The following CHD7 variants were observed in gnomAD, a reference collection of about 807,000 sequenced individuals.
CHD7 encodes the protein chromodomain helicase DNA binding protein 7.
A neutral mutation model predicts 307.3 loss-of-function variants in CHD7; 24 were observed. The observed-to-expected ratio is 0.08, with a 90% CI of 0.06 to 0.11. CHD7 has a LOEUF of 0.11. Ranked by LOEUF, CHD7 falls within the 10% of genes least tolerant of loss-of-function variation. CHD7 has a pLI of 1.00. For synonymous variants in CHD7, 1,363 were observed against 1,349.9 expected (o/e 1.01, Z -0.21); for missense variants, 3,106 against 3,727.1 (o/e 0.83, Z 4.34).
At chr8:60,707,076 A>G (rs1172650557) in intron 1 of CHD7, among the ~76,000 whole-genome samples, 1 of 152,188 alleles carries the variant, frequency 6.6e-6, no homozygotes, top group Non-Finnish European at 1.5e-5. Context: ...AGTAATCTAC[A>G]AAGATCTTTT....
intron 1 of CHD7, chr8:60,679,536 A>T (rs1435286661): frequency 6.8e-6 from 1 of 146,738 alleles, no homozygotes; most frequent in African/African-American, 2.5e-5. Flanking sequence ...TGCCGGCTCC[A>T]TTCGAGAGAA....
In CHD7 at chr8:60,800,035, CT is replaced by C. The variant is rs879277376; in HGVS notation, c.2239-340del. 2.7e-3 allele frequency among the ~76,000 whole-genome samples: 383 copies of C among 144,432 alleles called. 1 individual carries two copies. Among genetic ancestry groups the C allele is most frequent in the African/African-American group, 4.0e-3 (161 of 39,776 alleles). 94.8% of individuals were successfully genotyped at this position (144,432 alleles called of 152,430 possible). On this transcript the variant is annotated intron_variant, in intron 4 of 37. Transcript: ENST00000423902. ...CTGCGCCATTATAAAGAACATTTTT[CT>C]TTTTTTTTTTTTAAGACGCAGTCTT...
intron 5 of CHD7, 77 bp from the exon 6 acceptor site, chr8:60,801,451 G>A (rs1321508696): frequency 5.6e-6 from 6 of 1,069,198 alleles, no homozygotes; most frequent in Non-Finnish European, 8.5e-6. Flanking sequence ...TGGTAGCAAA[G>A]GGGAATGATT....
Position 60,853,382 on chromosome 8 carries a change from A to G in CHD7, c.6657A>G (p.Lys2219=). 1 of 1,545,546 alleles carries G rather than the reference A, an allele frequency of 6.5e-7. No homozygotes were observed. Among genetic ancestry groups the G allele is most frequent in the Non-Finnish European group, 8.7e-7 (1 of 1,149,716 alleles). The change falls in exon 31 of 38, where the codon AAA becomes AAG. Residue 2219 remains lysine, a synonymous_variant. Coordinates refer to ENST00000423902, the MANE Select transcript of CHD7 (RefSeq NM_017780.4). ...CCAGCTCTGTGAAAAATGAACTGAA[A>G]GGTGTTGAGGTCGGCGCAGACACTG... ...AEASSVKNEL[K]GVEVGADTGS...
At position 60,679,448 on chromosome 8, in the gene CHD7, G is replaced by A. The variant is rs1394977061; in HGVS notation, c.-175+366G>A. The A allele has an allele frequency of 2.0e-5, 2 of 101,610 alleles. 1 individual carries two copies. Among genetic ancestry groups the A allele is most frequent in the South Asian group, 6.5e-4 (2 of 3,082 alleles). The allele number at this position is 101,610 out of a possible 1,614,324, so 6.3% of individuals were successfully genotyped here. ...GTTGTGCTGCCGGCGTGGGGGGGGG[G>A]TACGGGGGACAGGAGGGAGCGTGTC... On this transcript the variant is annotated intron_variant, in intron 1 of 37. Transcript: ENST00000423902.
At chr8:60,725,280 A>G (rs1366479607) in intron 1 of CHD7, among the ~76,000 whole-genome samples, 1 of 152,204 alleles carries the variant, frequency 6.6e-6, no homozygotes. Flanking sequence ...GAAGGGTTTT[A>G]AAAATTGTGG....
At position 60,837,791 on chromosome 8, in the gene CHD7, G is replaced by A. The variant is rs1200383955; in HGVS notation, c.4309G>A (p.Ala1437Thr). Residue 1437 changes from alanine to threonine, a missense_variant, in exon 18 of 38, where the codon GCT becomes ACT. By Grantham distance (58) the Ala-to-Thr change is moderately conservative. Transcript: ENST00000423902. The part of the protein sequence containing the change: ...KASLKLGLDK[A>T]VLQSMSGREN... ...TAGTTTGAAACTGGGCCTGGATAAA[G>A]CTGTGCTACAGTCTATGAGTGGAAG... 1 of 1,613,796 alleles carries A rather than the reference G, an allele frequency of 6.2e-7. No homozygotes were observed. The highest frequency in any genetic ancestry group is 8.5e-7 in the Non-Finnish European group (1 of 1,179,854).
At chr8:60,686,441 G>A (rs753261943) in intron 1 of CHD7, among the ~76,000 whole-genome samples, 30 of 152,150 alleles carry the variant, frequency 2.0e-4, no homozygotes, top group Admixed American at 3.3e-4. Flanking sequence ...TTTCTAAGAG[G>A]TGTAGACATC....
chr8:60,752,129 T>G (rs1441969314), intron 2 of CHD7, among the ~76,000 whole-genome samples: 1 of 152,160 alleles, frequency 6.6e-6, no homozygotes, highest in Non-Finnish European at 1.5e-5. Flanking sequence ...GTTTCGGGAG[T>G]CCTAGACGTT....
At chr8:60,776,357 A>G (rs1341144391) in intron 2 of CHD7, among the ~76,000 whole-genome samples, 1 of 152,180 alleles carries the variant, frequency 6.6e-6, no homozygotes, top group Non-Finnish European at 1.5e-5. Context: ...CAAATAATTA[A>G]AGTTTATTAC....
At position 60,854,358 on chromosome 8, in the gene CHD7, C is replaced by A. The variant is rs769046607; in HGVS notation, c.6776-5C>A. ...GTGAGTAATGCACATTAACTCATTT[C>A]TCAGCAGGAGCTGTCTCTAGAGGGA... is the stretch of plus-strand genomic sequence containing the variant. On this transcript the variant is annotated splice_region_variant and splice_polypyrimidine_tract_variant and intron_variant, in intron 31 of 37. Coordinates refer to ENST00000423902, the MANE Select transcript of CHD7 (RefSeq NM_017780.4). 4.0e-5 allele frequency: 64 copies of A among 1,612,572 alleles called. No individual in the cohort carries two copies. The highest frequency in any genetic ancestry group is 4.3e-5 in the Non-Finnish European group (51 of 1,179,198).
At position 60,865,455 on chromosome 8, in the gene CHD7, G is replaced by A. The variant is rs1055076550; in HGVS notation, c.8516G>A (p.Ser2839Asn). Residue 2839 changes from serine to asparagine, a missense_variant, in exon 38 of 38, where the codon AGC becomes AAC. Ser to Asn is a conservative substitution (Grantham distance 46). Coordinates refer to ENST00000423902, the MANE Select transcript of CHD7 (RefSeq NM_017780.4). The surrounding 1 kb of genome is among the most constrained non-coding windows in gnomAD (Gnocchi z 4.3). ...TCTAGTCAAGGAGAACCGGAAGACA[G>A]CACTTCAAAAGGAGAGGAGAAAGGA... ...TASSQGEPEDSTSKGEEKGNE... is the reference protein window; with the variant it reads ...TASSQGEPEDNTSKGEEKGNE... The A allele has an allele frequency of 4.3e-6, 7 of 1,614,016 alleles. No homozygotes were observed. Among genetic ancestry groups the A allele is most frequent in the Non-Finnish European group, 5.9e-6 (7 of 1,179,898 alleles).
intron 3 of CHD7, among the ~76,000 whole-genome samples, chr8:60,788,575 A>G (rs1811611888): frequency 6.6e-6 from 1 of 152,166 alleles, no homozygotes; most frequent in Non-Finnish European, 1.5e-5. Flanking sequence ...TTTTTCAACT[A>G]GAAGAGTAGG....
At position 60,866,241 on chromosome 8, in the gene CHD7, G is replaced by A. The variant is rs1282723149; in HGVS notation, c.*308G>A. ...GGTACCATTGGTATTATAATAAAGA[G>A]CAATTTGTAACTGAGTGGCACTAAT... On this transcript the variant is annotated 3_prime_UTR_variant, in exon 38 of 38. Coordinates refer to ENST00000423902, the MANE Select transcript of CHD7 (RefSeq NM_017780.4). 1 of 205,030 alleles carries A rather than the reference G, an allele frequency of 4.9e-6. No individual in the cohort carries two copies. Among genetic ancestry groups the A allele is most frequent in the Non-Finnish European group, 9.8e-6 (1 of 102,498 alleles). 12.7% of individuals were successfully genotyped at this position (205,030 alleles called of 1,614,324 possible). A position where few individuals can be genotyped will look rare whatever the true frequency, so the allele number is the denominator to read the frequency against.
At chr8:60,845,129 T>C (rs1280677743) in intron 22 of CHD7, 66 bp downstream of exon 22, 4 of 1,591,474 alleles carry the variant, frequency 2.5e-6, no homozygotes, top group South Asian at 1.1e-5. Context: ...TGTGACACAC[T>C]GTTGATAAAG....
intron 6 of CHD7, among the ~76,000 whole-genome samples, chr8:60,805,535 A>G (rs1812496569): frequency 6.6e-6 from 1 of 152,182 alleles, no homozygotes; most frequent in African/African-American, 2.4e-5. Flanking sequence ...TTCCCAGAGG[A>G]ATAGCTGATC....
At chr8:60,799,019 C>T (rs1200965377) in intron 4 of CHD7, among the ~76,000 whole-genome samples, 1 of 152,162 alleles carries the variant, frequency 6.6e-6, no homozygotes, top group African/African-American at 2.4e-5. Flanking sequence ...TTTTCACATT[C>T]CTTATTTAAA....
At chr8:60,685,904 TGTGTTTGCCAGCTAATATGG>T (rs927215652) in intron 1 of CHD7, among the ~76,000 whole-genome samples, 1 of 152,224 alleles carries the variant, frequency 6.6e-6, no homozygotes, top group African/African-American at 2.4e-5. Context: ...TTTGTATTTT[TGTGTTTGCCAGCTAATATGG>T]GTGATTGCCA....
chr8:60,792,394 G>A (rs1811818305), intron 3 of CHD7, among the ~76,000 whole-genome samples: 1 of 152,056 alleles, frequency 6.6e-6, no homozygotes, highest in Admixed American at 6.5e-5. Context: ...TGAAGATTTT[G>A]TTGCTTTTTT....
Sources: allele counts gnomAD v4.1 joint callset (sites outside exome capture counted in the v4.1 genomes callset), GRCh38; gene constraint gnomAD v4.1.1; non-coding constraint Gnocchi (gnomAD v3.1); transcripts MANE v1.5; gene names NCBI Gene and HGNC (gene_info 2026-07-23, HGNC 2026-07-21).